The following CTNNA3 variants were observed in gnomAD, a reference collection of about 807,000 sequenced individuals.
CTNNA3 encodes catenin alpha 3, also known as catenin alpha-3.
A neutral mutation model predicts 95.7 loss-of-function variants in CTNNA3; 76 were observed. The observed-to-expected ratio is 0.79, with a 90% CI of 0.66 to 0.96. CTNNA3 has a LOEUF of 0.96. Among genes scored for constraint, CTNNA3 ranks in the 40% least tolerant of loss-of-function variants. The pLI is 0.00. For missense variants in CTNNA3, 1,191 were observed against 1,089.8 expected, an observed-to-expected ratio of 1.09 and a Z score of -1.31; for synonymous variants, 431 against 374.4, an observed-to-expected ratio of 1.15 and a Z score of -1.74.
intron 16 of CTNNA3, among the ~76,000 whole-genome samples, chr10:65,983,475 A>G (rs968625996): frequency 2.6e-5 from 4 of 151,544 alleles, no homozygotes; most frequent in Admixed American, 6.6e-5. Context: ...AATGTAGAGT[A>G]CAGAAATAGA....
intron 7 of CTNNA3, among the ~76,000 whole-genome samples, chr10:66,964,994 G>A (rs1668341386): frequency 6.6e-6 from 1 of 152,214 alleles, no homozygotes; most frequent in African/African-American, 2.4e-5. Context: ...GATGAATTCT[G>A]CAATAAGATT....
At chr10:67,233,628 A>G (rs1285720391) in intron 5 of CTNNA3, among the ~76,000 whole-genome samples, 5 of 147,560 alleles carry the variant, frequency 3.4e-5, no homozygotes, top group South Asian at 2.3e-4. Context: ...AAACACATTC[A>G]AAAGCTAGCA....
intron 6 of CTNNA3, among the ~76,000 whole-genome samples, chr10:67,204,585 A>G (rs938017257): frequency 6.6e-6 from 1 of 151,904 alleles, no homozygotes; most frequent in Non-Finnish European, 1.5e-5. Context: ...TACAGCTACT[A>G]ATAAGAAAGC....
At chr10:67,504,001 C>CA (rs371395146) in intron 5 of CTNNA3, among the ~76,000 whole-genome samples, 16,459 of 151,292 alleles carry the variant, frequency 0.11, 1,314 homozygotes, top group East Asian at 0.3. Flanking sequence ...ACTAAAAATA[C>CA]AAAAAATCAG....
chr10:66,581,571 C>G (rs1072892), intron 10 of CTNNA3, among the ~76,000 whole-genome samples: 55,404 of 151,362 alleles, frequency 0.37, 10,745 homozygotes, highest in Non-Finnish European at 0.44. Context: ...CTATTCATGT[C>G]TTTTGTCCAC....
intron 7 of CTNNA3, among the ~76,000 whole-genome samples, chr10:66,907,172 T>C (rs1846022689): frequency 6.6e-6 from 1 of 152,148 alleles, no homozygotes; most frequent in Non-Finnish European, 1.5e-5. Flanking sequence ...GCCACTTTCA[T>C]TTCTATTTTC....
At chr10:67,524,874 G>A (rs550893967) in intron 4 of CTNNA3, among the ~76,000 whole-genome samples, 3 of 152,300 alleles carry the variant, frequency 2.0e-5, no homozygotes, top group Admixed American at 1.3e-4. Flanking sequence ...AGGTTTTAAA[G>A]AGTATTCACT....
chr10:67,233,183 T>C (rs1347025083), intron 5 of CTNNA3, among the ~76,000 whole-genome samples: 1 of 152,140 alleles, frequency 6.6e-6, no homozygotes, highest in Non-Finnish European at 1.5e-5. Context: ...TACAGAACTC[T>C]CCACCCCAAA....
At chr10:66,672,621 C>T (rs1241173221) in intron 9 of CTNNA3, among the ~76,000 whole-genome samples, 1 of 152,044 alleles carries the variant, frequency 6.6e-6, no homozygotes, top group African/African-American at 2.4e-5. Flanking sequence ...AACACAGTGT[C>T]TCTGGTTCCT....
intron 13 of CTNNA3, among the ~76,000 whole-genome samples, chr10:66,207,422 A>G (rs1439499268): frequency 6.6e-6 from 1 of 152,000 alleles, no homozygotes; most frequent in Non-Finnish European, 1.5e-5. Context: ...TTTGCCAAAG[A>G]AAAACAGTAT....
chr10:66,646,083 T>C (rs12264106), intron 9 of CTNNA3, among the ~76,000 whole-genome samples: 4,283 of 152,248 alleles, frequency 0.028, 206 homozygotes, highest in African/African-American at 0.097. Flanking sequence ...TTCCAAAAAC[T>C]TGCCAGGATT....
At chr10:66,402,228 G>A (rs530848750) in intron 11 of CTNNA3, among the ~76,000 whole-genome samples, 2 of 152,228 alleles carry the variant, frequency 1.3e-5, no homozygotes, top group East Asian at 3.9e-4. Context: ...AGACTGTACT[G>A]AATTAAATTA....
intron 13 of CTNNA3, among the ~76,000 whole-genome samples, chr10:66,249,374 CT>C (rs1255812093): frequency 6.6e-6 from 1 of 152,124 alleles, no homozygotes; most frequent in Non-Finnish European, 1.5e-5. Context: ...AACTACCCCC[CT>C]GAGAAAGGAT....
At chr10:66,276,253 A>G (rs77178477) in intron 13 of CTNNA3, among the ~76,000 whole-genome samples, 3,011 of 152,222 alleles carry the variant, frequency 0.02, 106 homozygotes, top group African/African-American at 0.068. Flanking sequence ...ATATTTTTGA[A>G]GCGCCTTTGA....
chr10:66,041,141 C>T (rs1198148311), intron 15 of CTNNA3, among the ~76,000 whole-genome samples: 1 of 152,068 alleles, frequency 6.6e-6, no homozygotes, highest in East Asian at 1.9e-4. Context: ...GCATGCCTGC[C>T]AAAAATGCAT....
chr10:67,295,542 G>A lies in CTNNA3; in HGVS notation c.580-75672C>T, dbSNP rs966699916. On this transcript the variant is annotated intron_variant, in intron 5 of 17. Coordinates refer to ENST00000433211, the MANE Select transcript of CTNNA3 (RefSeq NM_013266.4). ...GGAGTTTTTCAAGGATAATAGCTGA[G>A]ACCTGCTTATATATAGGCCATAATG... is the stretch of plus-strand genomic sequence containing the variant. Among the ~76,000 whole-genome samples, 3 of 152,116 alleles carry A rather than the reference G, an allele frequency of 2.0e-5. No homozygotes were observed. The South Asian group carries it at 6.2e-4, about 32-fold the overall frequency.
In CTNNA3 at chr10:67,223,210, G is replaced by A. The variant is rs1032912682; in HGVS notation, c.580-3340C>T. 2.0e-5 allele frequency among the ~76,000 whole-genome samples: 3 copies of A among 152,318 alleles called. 1 individual carries two copies. The highest frequency in any genetic ancestry group is 6.8e-3 in the Middle Eastern group (2 of 294). On this transcript the variant is annotated intron_variant, in intron 5 of 17. Coordinates refer to ENST00000433211, the MANE Select transcript of CTNNA3 (RefSeq NM_013266.4). ...GACCATTTCTCCCAAAGGACATCAA[G>A]CATGATAAACTTAATGTAGTAAATA...
chr10:66,180,046 T>C (rs1015057737), intron 13 of CTNNA3, among the ~76,000 whole-genome samples: 3 of 152,176 alleles, frequency 2.0e-5, no homozygotes, highest in African/African-American at 7.2e-5. Flanking sequence ...TTCTGAACCC[T>C]AGAGATGCTG....
intron 16 of CTNNA3, among the ~76,000 whole-genome samples, chr10:65,975,836 T>C (rs762145622): frequency 6.6e-6 from 1 of 152,150 alleles, no homozygotes; most frequent in Non-Finnish European, 1.5e-5. Flanking sequence ...TAGGGCATTC[T>C]TTCAAATCAT....
Sources: allele counts gnomAD v4.1 joint callset (sites outside exome capture counted in the v4.1 genomes callset), GRCh38; gene constraint gnomAD v4.1.1; transcripts MANE v1.5; gene names NCBI Gene and HGNC (gene_info 2026-07-23, HGNC 2026-07-21).